The following TIMM21 variants were observed in gnomAD, a reference collection of about 807,000 sequenced individuals.
The protein encoded by TIMM21 is mitochondrial import inner membrane translocase subunit Tim21.
TIMM21 carries 30 observed loss-of-function variants against 27.7 expected under a neutral mutation model. That is an observed-to-expected ratio of 1.08 (90% confidence interval 0.81 to 1.47). TIMM21 has a LOEUF of 1.47. Among genes scored for constraint, TIMM21 ranks in the 40% most tolerant of loss-of-function variants. TIMM21 has a pLI of 0.00. For missense variants in TIMM21, 292 were observed against 302.9 expected (o/e 0.96, Z 0.27); for synonymous variants, 121 against 114.4 (o/e 1.06, Z -0.37).
rs1269291905 is a variant in TIMM21 at position 74,152,852 on chromosome 18, G to T, written c.302-2293G>T. ...AGAGGCCGAAGTGCATTTGCAGTTG[G>T]GGCCTCAGCTGCTGCTCTGGGGACT... On this transcript the variant is annotated intron_variant, in intron 1 of 5. Coordinates refer to ENST00000169551, the MANE Select transcript of TIMM21 (RefSeq NM_014177.3). The surrounding 1 kb of genome is among the most constrained non-coding windows in gnomAD (Gnocchi z 4.1). 6.6e-6 allele frequency among the ~76,000 whole-genome samples: 1 copy of T among 152,226 alleles called. No homozygotes were observed.
At position 74,159,558 on chromosome 18, in the gene TIMM21, T is replaced by G. The variant is rs1470722053; in HGVS notation, c.*1078T>G. 1 of 152,132 alleles carries G rather than the reference T, an allele frequency of 6.6e-6. No homozygotes were observed. Among genetic ancestry groups the G allele is most frequent in the African/African-American group, 2.4e-5 (1 of 41,424 alleles). 9.4% of individuals were successfully genotyped at this position (152,132 alleles called of 1,614,324 possible). A position where few individuals can be genotyped will look rare whatever the true frequency, so the allele number is the denominator to read the frequency against. ...GATAGAGAGACCTCCAGGCAATCTA[T>G]CTCCCCTTTTTACTTTATCTCCCTG... On this transcript the variant is annotated 3_prime_UTR_variant, in exon 6 of 6. Transcript: ENST00000169551.
At chr18:74,155,065 C>T (rs1042121513) in intron 1 of TIMM21, 80 bp from the exon 2 acceptor site, 7 of 1,422,176 alleles carry the variant, frequency 4.9e-6, no homozygotes, top group East Asian at 2.3e-5. Context: ...GCTTTTCTCT[C>T]GCAAGAAGTG....
At chr18:74,155,260 T>A (rs1371552216) in intron 2 of TIMM21, 46 bp from the exon 3 acceptor site, 5 of 1,612,742 alleles carry the variant, frequency 3.1e-6, no homozygotes, top group Non-Finnish European at 3.4e-6. Context: ...ACTGGACTTT[T>A]TATGTTGCCC....
In TIMM21 at chr18:74,155,216, A is replaced by G; in HGVS notation, c.364+9A>G. The G allele has an allele frequency of 6.2e-7, 1 of 1,614,240 alleles. No individual in the cohort carries two copies. The highest frequency in any genetic ancestry group is 8.5e-7 in the Non-Finnish European group (1 of 1,180,038). On this transcript the variant is annotated intron_variant, in intron 2 of 5. Coordinates refer to ENST00000169551, the MANE Select transcript of TIMM21 (RefSeq NM_014177.3). ...TGGAATCAGCATTACAGGTTGCAAAAAACAGCAAGTATAAGCCCTTGAATA... is the reference window on the plus strand; with the variant it reads ...TGGAATCAGCATTACAGGTTGCAAAGAACAGCAAGTATAAGCCCTTGAATA...
At chr18:74,151,554 T>C (rs1443216916) in intron 1 of TIMM21, among the ~76,000 whole-genome samples, 1 of 152,206 alleles carries the variant, frequency 6.6e-6, no homozygotes, top group Non-Finnish European at 1.5e-5. Flanking sequence ...TCCATTTCTG[T>C]CAGGGCATCC....
In TIMM21 at chr18:74,158,525, C is replaced by A; in HGVS notation, c.*45C>A. 1 of 1,192,170 alleles carries A rather than the reference C, an allele frequency of 8.4e-7. No homozygotes were observed. 73.8% of individuals were successfully genotyped at this position (1,192,170 alleles called of 1,614,324 possible). ...GTTGAATGGCGTGGACTCGCTACTC[C>A]GTTCTTCACAGCTGCCTTCCAGAAT... On this transcript the variant is annotated 3_prime_UTR_variant, in exon 6 of 6. Transcript: ENST00000169551.
At position 74,159,547 on chromosome 18, in the gene TIMM21, C is replaced by T. The variant is rs1165160631; in HGVS notation, c.*1067C>T. ...GGGATATTCAGGATAGAGAGACCTC[C>T]AGGCAATCTATCTCCCCTTTTTACT... On this transcript the variant is annotated 3_prime_UTR_variant, in exon 6 of 6. Transcript: ENST00000169551. 1 of 152,012 alleles carries T rather than the reference C, an allele frequency of 6.6e-6. No individual in the cohort carries two copies. The highest frequency in any genetic ancestry group is 2.4e-5 in the African/African-American group (1 of 41,374). The allele number at this position is 152,012 out of a possible 1,614,324, so 9.4% of individuals were successfully genotyped here. A position where few individuals can be genotyped will look rare whatever the true frequency, so the allele number is the denominator to read the frequency against.
intron 1 of TIMM21, among the ~76,000 whole-genome samples, chr18:74,151,944 C>CCCCT (rs1555682313): frequency 6.9e-6 from 1 of 144,612 alleles, no homozygotes; most frequent in African/African-American, 2.8e-5. Flanking sequence ...TGTTCCCCCC[C>CCCCT]CCCCCGGGGG....
At chr18:74,154,982 C>T (rs1010200725) in intron 1 of TIMM21, 163 bp from the exon 2 acceptor site, 21 of 640,852 alleles carry the variant, frequency 3.3e-5, no homozygotes, top group African/African-American at 1.7e-4. Context: ...TCTGCTGAGG[C>T]GCTGACACAC....
chr18:74,149,821 A>G (rs1979750807), intron 1 of TIMM21, among the ~76,000 whole-genome samples: 1 of 152,214 alleles, frequency 6.6e-6, no homozygotes, highest in Non-Finnish European at 1.5e-5. Flanking sequence ...AGAAGTGGCA[A>G]ACAGCATGTG....
intron 1 of TIMM21, 130 bp downstream of exon 1, chr18:74,149,239 T>C: frequency 9.4e-7 from 1 of 1,059,370 alleles, no homozygotes; most frequent in Non-Finnish European, 1.3e-6. Context: ...CGTTTAAACA[T>C]AATTTAGAAC....
rs762533805 is a variant in TIMM21 at position 74,158,389 on chromosome 18, G to A, written c.656G>A (p.Gly219Asp). 3 of 1,607,738 alleles carry A rather than the reference G, an allele frequency of 1.9e-6. No individual in the cohort carries two copies. Among genetic ancestry groups the A allele is most frequent in the East Asian group, 4.5e-5 (2 of 44,826 alleles). Residue 219 changes from glycine to aspartate, a missense_variant, in exon 6 of 6, where the codon GGT becomes GAT. Coordinates refer to ENST00000169551, the MANE Select transcript of TIMM21 (RefSeq NM_014177.3). ...YAQVKENPGS[G>D]EYDFRYIFVE... ...CATTTTTTTCAGAACCCAGGAAGTG[G>A]TGAATATGATTTTCGATATATATTT...
At position 74,148,767 on chromosome 18, in the gene TIMM21, T is replaced by C; in HGVS notation, c.-42T>C. ...TAGTGAACCCTAAAGCTTTCCTAAT[T>C]GTAGTTAGCATCGTCCCTAAGCGGA... On this transcript the variant is annotated 5_prime_UTR_variant, in exon 1 of 6. Coordinates refer to ENST00000169551, the MANE Select transcript of TIMM21 (RefSeq NM_014177.3). 1 of 1,578,348 alleles carries C rather than the reference T, an allele frequency of 6.3e-7. No individual in the cohort carries two copies. The highest frequency in any genetic ancestry group is 8.7e-7 in the Non-Finnish European group (1 of 1,155,552).
intron 1 of TIMM21, among the ~76,000 whole-genome samples, chr18:74,149,877 A>G (rs753787586): frequency 2.0e-5 from 3 of 152,236 alleles, no homozygotes; most frequent in Admixed American, 2.0e-4. Context: ...CTTGCACTGC[A>G]CACCAGGCCT....
In TIMM21 at chr18:74,158,437, G is replaced by T. The variant is rs1246059433; in HGVS notation, c.704G>T (p.Arg235Ile). The change falls in exon 6 of 6, where the codon AGA (arginine) becomes ATA (isoleucine). Residue 235 changes from arginine to isoleucine, a missense_variant. Physicochemically the swap from Arg to Ile is moderately conservative, Grantham distance 97 (BLOSUM62 -3). Transcript: ENST00000169551. ...TTTGTAGAAATTGAATCTTATCCTAGAAGAACTATTATCATTGAAGATAAT... is the reference window on the plus strand; with the variant it reads ...TTTGTAGAAATTGAATCTTATCCTATAAGAACTATTATCATTGAAGATAAT... ...YIFVEIESYP[R>I]RTIIIEDNRS... The T allele has an allele frequency of 6.2e-7, 1 of 1,602,396 alleles. No homozygotes were observed. Among genetic ancestry groups the T allele is most frequent in the Non-Finnish European group, 8.5e-7 (1 of 1,170,992 alleles).
chr18:74,151,937 T>TCTCCCC lies in TIMM21; in HGVS notation c.301+2829_301+2830insTCCCCC, dbSNP rs1555682293. The stretch of plus-strand genomic sequence containing the variant: ...CCTTAAGAAGCAGTGGTGTCTATGT[T>TCTCCCC]CCCCCCCCCCCCGGGGGGACCTCCA... On this transcript the variant is annotated intron_variant, in intron 1 of 5. Coordinates refer to ENST00000169551, the MANE Select transcript of TIMM21 (RefSeq NM_014177.3). Among the ~76,000 whole-genome samples, 94 of 94,278 alleles carry TCTCCCC rather than the reference T, an allele frequency of 1.0e-3. 2 individuals are homozygous for TCTCCCC. The highest frequency in any genetic ancestry group is 5.4e-3 in the African/African-American group (91 of 16,866). 61.9% of individuals were successfully genotyped at this position (94,278 alleles called of 152,430 possible).
At chr18:74,157,776 T>C (rs1043809197) in intron 3 of TIMM21, 2 of 492,676 alleles carry the variant, frequency 4.1e-6, no homozygotes, top group Non-Finnish European at 7.2e-6. Flanking sequence ...TTATATTTTT[T>C]AGTAGAGACG....
intron 1 of TIMM21, among the ~76,000 whole-genome samples, chr18:74,149,778 A>C (rs991751476): frequency 6.6e-6 from 1 of 152,230 alleles, no homozygotes; most frequent in Non-Finnish European, 1.5e-5. Context: ...GTTCAGCACG[A>C]AGGAACAACC....
Position 74,158,397 on chromosome 18 carries a change from G to A in TIMM21, c.664G>A (p.Asp222Asn), listed in dbSNP as rs376305064. 1.4e-5 allele frequency: 22 copies of A among 1,605,384 alleles called. No individual in the cohort carries two copies. The highest frequency in any genetic ancestry group is 1.8e-5 in the Non-Finnish European group (21 of 1,174,102). Reference protein sequence around the residue: ...VKENPGSGEYDFRYIFVEIES... With the variant: ...VKENPGSGEYNFRYIFVEIES... ...TCAGAACCCAGGAAGTGGTGAATAT[G>A]ATTTTCGATATATATTTGTAGAAAT... The change falls in exon 6 of 6, where the codon GAT becomes AAT. Residue 222 changes from aspartate (D) to asparagine (N), a missense_variant. Asp to Asn is a conservative substitution (Grantham distance 23, BLOSUM62 1). Coordinates refer to ENST00000169551, the MANE Select transcript of TIMM21 (RefSeq NM_014177.3).
Sources: gnomAD v4.1 joint callset for allele counts (sites outside exome capture counted in the v4.1 genomes callset) on GRCh38, gnomAD v4.1.1 for gene constraint, Gnocchi (gnomAD v3.1) non-coding constraint, MANE v1.5 for transcripts, NCBI Gene and HGNC (gene_info 2026-07-23, HGNC 2026-07-21) for gene names.